The following DRC11 variants were observed in gnomAD, a reference collection of about 807,000 sequenced individuals.
The protein encoded by DRC11 is IQ and AAA domain-containing protein 1.
At chr2:236,341,332 G>A in the DRC11 span, among the ~76,000 whole-genome samples, 19,309 of 152,266 alleles carry the variant, frequency 0.13, 1,416 homozygotes, top group Admixed American at 0.19. Flanking sequence ...GAGCGCACTC[G>A]AGGCGCAGGT....
the DRC11 span, chr2:236,407,984 T>G: frequency 1.8e-6 from 1 of 544,834 alleles, no homozygotes. Context: ...TTAAGGTCAG[T>G]CTTCTCCAGA....
chr2:236,397,407 G>A, the DRC11 span, among the ~76,000 whole-genome samples: 1 of 152,150 alleles, frequency 6.6e-6, no homozygotes, highest in Non-Finnish European at 1.5e-5. The surrounding 1 kb of genome is among the most constrained non-coding windows in gnomAD (Gnocchi z 5.0). Flanking sequence ...AGATGCCCAG[G>A]GCAGCCACAA....
the DRC11 span, among the ~76,000 whole-genome samples, chr2:236,357,501 T>A: frequency 2.0e-4 from 25 of 127,200 alleles, no homozygotes; most frequent in Non-Finnish European, 3.1e-4. Flanking sequence ...AAATACATAT[T>A]TACATATTAT....
the DRC11 span, among the ~76,000 whole-genome samples, chr2:236,422,458 C>A: frequency 6.6e-6 from 1 of 152,130 alleles, no homozygotes; most frequent in African/African-American, 2.4e-5. Flanking sequence ...ACAATTGCTT[C>A]AAAGAGAATA....
chr2:236,396,829 G>C, the DRC11 span, among the ~76,000 whole-genome samples: 1 of 152,158 alleles, frequency 6.6e-6, no homozygotes, highest in Non-Finnish European at 1.5e-5. Context: ...CCGATTATAG[G>C]CCAGGCACTG....
At chr2:236,404,581 C>CG in the DRC11 span, among the ~76,000 whole-genome samples, 1 of 152,232 alleles carries the variant, frequency 6.6e-6, no homozygotes, top group African/African-American at 2.4e-5. Flanking sequence ...GGTGGAGCCA[C>CG]GGCCGGTAAC....
At chr2:236,505,105 T>A in the DRC11 span, among the ~76,000 whole-genome samples, 662 of 152,340 alleles carry the variant, frequency 4.3e-3, 5 homozygotes, top group African/African-American at 0.015. Flanking sequence ...TTTGAAAGTA[T>A]ATGATTGGTT....
the DRC11 span, among the ~76,000 whole-genome samples, chr2:236,492,766 A>G: frequency 3.9e-4 from 59 of 152,198 alleles, no homozygotes; most frequent in African/African-American, 1.3e-3. Context: ...CCCCACCAGT[A>G]GGCTGCATGG....
At chr2:236,362,452 A>G in the DRC11 span, among the ~76,000 whole-genome samples, 77 of 152,334 alleles carry the variant, frequency 5.1e-4, no homozygotes, top group African/African-American at 1.8e-3. This position sits in a 1 kb window ranked among gnomAD's most constrained non-coding sequence, Gnocchi z 5.7. Context: ...ATGAATAGTA[A>G]ATAGATTTTT....
the DRC11 span, among the ~76,000 whole-genome samples, chr2:236,503,280 G>T: frequency 6.6e-6 from 1 of 152,138 alleles, no homozygotes; most frequent in Non-Finnish European, 1.5e-5. The surrounding 1 kb of genome is among the most constrained non-coding windows in gnomAD (Gnocchi z 4.9). Flanking sequence ...TTCCACCAGG[G>T]GGAAACCACA....
chr2:236,497,508 T>G, the DRC11 span: 1 of 1,539,256 alleles, frequency 6.5e-7, no homozygotes, highest in Non-Finnish European at 8.8e-7. The surrounding 1 kb of genome is among the most constrained non-coding windows in gnomAD (Gnocchi z 5.1). Context: ...AGAGAGAATT[T>G]AGATGATACA....
chr2:236,430,380 G>T, the DRC11 span, among the ~76,000 whole-genome samples: 39,606 of 151,964 alleles, frequency 0.26, 5,458 homozygotes, highest in African/African-American at 0.33. The surrounding 1 kb of genome is among the most constrained non-coding windows in gnomAD (Gnocchi z 6.0). Flanking sequence ...GATGTACACA[G>T]GTATACACAC....
the DRC11 span, among the ~76,000 whole-genome samples, chr2:236,424,017 C>G: frequency 7.4e-3 from 944 of 128,414 alleles, 10 homozygotes; most frequent in African/African-American, 0.027. Context: ...CACATGGACA[C>G]AGGAAGGGGA....
At chr2:236,388,695 T>C in the DRC11 span, among the ~76,000 whole-genome samples, 12 of 150,866 alleles carry the variant, frequency 8.0e-5, no homozygotes, top group Middle Eastern at 3.2e-3. Flanking sequence ...CTTTGTTCCA[T>C]TGCTGGTGAG....
chr2:236,386,324 T>G, the DRC11 span, among the ~76,000 whole-genome samples: 1 of 151,892 alleles, frequency 6.6e-6, no homozygotes, highest in Non-Finnish European at 1.5e-5. Flanking sequence ...CTATTGATTA[T>G]TGCCACAATT....
the DRC11 span, among the ~76,000 whole-genome samples, chr2:236,387,802 G>A: frequency 1.3e-5 from 2 of 151,970 alleles, no homozygotes; most frequent in South Asian, 2.1e-4. Flanking sequence ...GGCTGGTACC[G>A]GTTGTTCCTT....
chr2:236,416,681 C>T, the DRC11 span, among the ~76,000 whole-genome samples: 1 of 138,266 alleles, frequency 7.2e-6, no homozygotes, highest in African/African-American at 2.6e-5. Flanking sequence ...GCTTTGAACA[C>T]AATGTTGGCT....
the DRC11 span, among the ~76,000 whole-genome samples, chr2:236,482,849 T>C: frequency 2.6e-5 from 4 of 152,224 alleles, no homozygotes; most frequent in African/African-American, 4.8e-5. This position sits in a 1 kb window ranked among gnomAD's most constrained non-coding sequence, Gnocchi z 4.5. Context: ...CAGAACCATT[T>C]CAATGTGCGA....
the DRC11 span, chr2:236,391,091 G>A: frequency 6.6e-6 from 1 of 152,280 alleles, no homozygotes; most frequent in African/African-American, 2.4e-5. The surrounding 1 kb of genome is among the most constrained non-coding windows in gnomAD (Gnocchi z 4.5). Context: ...GAGCTCTTGT[G>A]AAGTTACTTT....
Sources: gnomAD v4.1 joint callset for allele counts (sites outside exome capture counted in the v4.1 genomes callset) on GRCh38, gnomAD v4.1.1 for gene constraint, Gnocchi (gnomAD v3.1) non-coding constraint, MANE v1.5 for transcripts, NCBI Gene and HGNC (gene_info 2026-07-23, HGNC 2026-07-21) for gene names.